The following CDC40 variants were observed in gnomAD, a reference collection of about 807,000 sequenced individuals.
CDC40 encodes pre-mRNA-processing factor 17.
Under a neutral mutation model 80.6 loss-of-function variants are expected in CDC40, and 27 were observed. The ratio of observed to expected loss-of-function variants is 0.33; its 90% CI spans 0.25 to 0.46. The LOEUF is 0.46. CDC40 is among the 20% of genes least tolerant of loss of function. The pLI, the probability that CDC40 is intolerant of heterozygous loss-of-function variation, is 1.00. For synonymous variants in CDC40, 221 were observed against 232.6 expected, an observed-to-expected ratio of 0.95 and a Z score of 0.45; for missense variants, 486 against 694.1, an observed-to-expected ratio of 0.70 and a Z score of 3.37.
In CDC40 at chr6:110,219,376, C is replaced by T; in HGVS notation, c.1103C>T (p.Ser368Leu). Residue 368 changes from serine (S) to leucine (L), a missense_variant, in exon 11 of 15, where the codon TCA becomes TTA. Coordinates refer to ENST00000307731, the MANE Select transcript of CDC40 (RefSeq NM_015891.3). The part of the protein sequence containing the change: ...LWDTETGQCI[S>L]RFTNRKVPYC... Reference sequence around the variant, plus strand: ...TCTTTGGTTTTAGGACAGTGTATATCAAGATTTACAAACCGAAAAGTACCT... The same window carrying T: ...TCTTTGGTTTTAGGACAGTGTATATTAAGATTTACAAACCGAAAAGTACCT... 1 of 1,540,148 alleles carries T rather than the reference C, an allele frequency of 6.5e-7. No individual in the cohort carries two copies. Among genetic ancestry groups the T allele is most frequent in the East Asian group, 2.3e-5 (1 of 44,432 alleles).
chr6:110,221,000 T>C (rs1777768974), intron 12 of CDC40, among the ~76,000 whole-genome samples: 1 of 152,208 alleles, frequency 6.6e-6, no homozygotes, highest in Non-Finnish European at 1.5e-5. Context: ...ATGACTCTGG[T>C]ACAAATGTTT....
Position 110,215,306 on chromosome 6 carries a change from A to G in CDC40, c.963A>G (p.Glu321=), listed in dbSNP as rs781265899. The G allele has an allele frequency of 2.5e-6, 4 of 1,613,538 alleles. No homozygotes were observed. In the South Asian group the frequency reaches 3.3e-5, roughly 13 times the overall value. Residue 321 remains glutamate, a synonymous_variant, in exon 9 of 15, where the codon GAA becomes GAG. Transcript: ENST00000307731. ...CKIKLWEVYG[E]RRCLRTFIGH... is the part of the protein sequence containing the mutation. ...CCCAGCTATGGGAGGTTTATGGAGA[A>G]CGGCGCTGTCTGAGAACATTTATTG...
At chr6:110,209,946 T>A (rs1252142997) in intron 5 of CDC40, among the ~76,000 whole-genome samples, 1 of 152,176 alleles carries the variant, frequency 6.6e-6, no homozygotes, top group Admixed American at 6.5e-5. Flanking sequence ...TACTACCCCA[T>A]CTTCTGTCCC....
rs1367019559 is a variant in CDC40 at position 110,183,115 on chromosome 6, C to T, written c.189+2482C>T. Among the ~76,000 whole-genome samples, 5 of 152,348 alleles carry T rather than the reference C, an allele frequency of 3.3e-5. 1 individual carries two copies. In the East Asian group the frequency reaches 9.6e-4, roughly 29 times the overall value. On this transcript the variant is annotated intron_variant, in intron 1 of 14. Coordinates refer to ENST00000307731, the MANE Select transcript of CDC40 (RefSeq NM_015891.3). ...TAGTGCCTCCTTCCCCCACTCCAAA[C>T]ACTGTGGTCCTTCAGTCTCAGTGTA... is the stretch of plus-strand genomic sequence containing the variant.
chr6:110,211,991 G>C (rs1461839123), intron 6 of CDC40, 142 bp from the exon 7 acceptor site: 7 of 632,560 alleles, frequency 1.1e-5, no homozygotes, highest in Non-Finnish European at 1.9e-5. Context: ...GCTGACTCAT[G>C]ATCTTGACAT....
At chr6:110,203,190 C>T (rs1028891407) in intron 3 of CDC40, among the ~76,000 whole-genome samples, 7 of 152,098 alleles carry the variant, frequency 4.6e-5, no homozygotes, top group Non-Finnish European at 1.0e-4. Context: ...TAAGCTTTAA[C>T]AACTGTCTCT....
At chr6:110,201,766 T>C in intron 3 of CDC40, 79 bp downstream of exon 3, 1 of 1,232,022 alleles carries the variant, frequency 8.1e-7, no homozygotes, top group Non-Finnish European at 1.1e-6. Flanking sequence ...TGTTTTATCT[T>C]CTGGCTTTTA....
chr6:110,216,439 T>G (rs2114667394), intron 9 of CDC40, among the ~76,000 whole-genome samples: 1 of 152,290 alleles, frequency 6.6e-6, no homozygotes, highest in African/African-American at 2.4e-5. Flanking sequence ...AAGGAAGACT[T>G]GTGGAAGGCT....
At chr6:110,192,837 A>G (rs1365416740) in intron 1 of CDC40, among the ~76,000 whole-genome samples, 1 of 152,236 alleles carries the variant, frequency 6.6e-6, no homozygotes, top group Non-Finnish European at 1.5e-5. Flanking sequence ...GAGTAAAAAA[A>G]GAAATACCTC....
chr6:110,231,996 C>T lies in CDC40; in HGVS notation c.*1865C>T, dbSNP rs981510016. On this transcript the variant is annotated 3_prime_UTR_variant, in exon 15 of 15. Coordinates refer to ENST00000307731, the MANE Select transcript of CDC40 (RefSeq NM_015891.3). ...ATTCAGATATGACCTTTTCTTTAGT[C>T]CCAACCACTAGTTTTAACAAATGTG... 2 of 145,728 alleles carry T rather than the reference C, an allele frequency of 1.4e-5. No individual in the cohort carries two copies. The highest frequency in any genetic ancestry group is 4.6e-4 in the South Asian group (2 of 4,354). 9.0% of individuals were successfully genotyped at this position (145,728 alleles called of 1,614,324 possible). A position where few individuals can be genotyped will look rare whatever the true frequency, so the allele number is the denominator to read the frequency against.
chr6:110,191,897 C>T (rs1777353480), intron 1 of CDC40, among the ~76,000 whole-genome samples: 1 of 152,120 alleles, frequency 6.6e-6, no homozygotes, highest in African/African-American at 2.4e-5. Flanking sequence ...TATATAATTT[C>T]TTTACAATTT....
chr6:110,204,937 G>A (rs1042135596), intron 3 of CDC40, among the ~76,000 whole-genome samples: 8 of 152,060 alleles, frequency 5.3e-5, no homozygotes, highest in Non-Finnish European at 1.0e-4. Context: ...AAAGTGCTGG[G>A]ATTACAGGCC....
intron 2 of CDC40, among the ~76,000 whole-genome samples, chr6:110,195,338 T>TA (rs529298036): frequency 1.3e-4 from 20 of 152,052 alleles, no homozygotes; most frequent in African/African-American, 4.8e-4. Flanking sequence ...TTTAAAAAGA[T>TA]AGAGACCAGA....
At chr6:110,188,688 C>A (rs1562199184) in intron 1 of CDC40, among the ~76,000 whole-genome samples, 1 of 152,110 alleles carries the variant, frequency 6.6e-6, no homozygotes, top group Non-Finnish European at 1.5e-5. Context: ...GCTTTCTAAT[C>A]TGAAATTTAT....
intron 1 of CDC40, among the ~76,000 whole-genome samples, chr6:110,187,320 C>G (rs1032765932): frequency 6.6e-6 from 1 of 152,222 alleles, no homozygotes; most frequent in African/African-American, 2.4e-5. Flanking sequence ...CTGGCTTTCT[C>G]TCATTTCAAC....
intron 1 of CDC40, among the ~76,000 whole-genome samples, chr6:110,187,049 G>A (rs1040194975): frequency 6.6e-6 from 1 of 152,068 alleles, no homozygotes; most frequent in Non-Finnish European, 1.5e-5. Flanking sequence ...CGCAATCTCC[G>A]CTCACTGCAA....
rs1286158075 is a variant in CDC40, at chr6:110,232,205, G to A, written c.*2074G>A. Reference sequence around the variant, plus strand: ...TAAAAAGATCATATTTTTAAATAAAGCATTTTTTGTAGAAAGTGCTATCAA... The same window carrying A: ...TAAAAAGATCATATTTTTAAATAAAACATTTTTTGTAGAAAGTGCTATCAA... On this transcript the variant is annotated 3_prime_UTR_variant, in exon 15 of 15. Transcript: ENST00000307731. The A allele has an allele frequency of 6.6e-6, 1 of 152,482 alleles. No homozygotes were observed. Among genetic ancestry groups the A allele is most frequent in the African/African-American group, 2.4e-5 (1 of 41,420 alleles). The allele number at this position is 152,482 out of a possible 1,614,324, so 9.4% of individuals were successfully genotyped here.
At chr6:110,222,964 C>T (rs1045378514) in intron 12 of CDC40, among the ~76,000 whole-genome samples, 2 of 152,176 alleles carry the variant, frequency 1.3e-5, no homozygotes, top group African/African-American at 4.8e-5. Context: ...AAGATAGGTA[C>T]ATTTGTTATT....
intron 2 of CDC40, among the ~76,000 whole-genome samples, chr6:110,198,421 C>A (rs568217923): frequency 6.6e-6 from 1 of 152,302 alleles, no homozygotes; most frequent in Admixed American, 6.5e-5. Flanking sequence ...AAGTGATCCA[C>A]CTGCCTTGAC....
Sources: allele counts gnomAD v4.1 joint callset (sites outside exome capture counted in the v4.1 genomes callset), GRCh38; gene constraint gnomAD v4.1.1; transcripts MANE v1.5; gene names NCBI Gene and HGNC (gene_info 2026-07-23, HGNC 2026-07-21).